The following PRKN variants were observed in gnomAD, a reference collection of about 807,000 sequenced individuals.
PRKN encodes the protein parkin RBR E3 ubiquitin protein ligase, also known as E3 ubiquitin-protein ligase parkin.
In PRKN, 56 loss-of-function variants were observed where a neutral mutation model predicts 59.5. That is an observed-to-expected ratio of 0.94 (90% CI 0.76 to 1.18). The LOEUF (loss-of-function observed/expected upper bound fraction) is 1.18, where lower values mean the gene tolerates loss of function less well. Ranked by LOEUF, PRKN falls within the 50% of genes most tolerant of loss-of-function variation. The probability of loss-of-function intolerance (pLI) is 0.00; values close to 1 mark genes in which losing one functional copy is unlikely to be tolerated. For missense variants in PRKN, 657 were observed against 596.4 expected, an observed-to-expected ratio of 1.10 and a Z score of -1.06; for synonymous variants, 250 against 222.1, an observed-to-expected ratio of 1.13 and a Z score of -1.12.
intron 1 of PRKN, among the ~76,000 whole-genome samples, chr6:162,654,053 A>C (rs1055192695): frequency 6.6e-6 from 1 of 152,162 alleles, no homozygotes; most frequent in African/African-American, 2.4e-5. Flanking sequence ...ACATTATTTG[A>C]GCCTATCAAA....
chr6:162,601,236 C>G lies in PRKN; in HGVS notation c.7+126426G>C, dbSNP rs544010028. On this transcript the variant is annotated intron_variant, in intron 1 of 11. Transcript: ENST00000366898. ...ATCATAGTGGCCCCACCCCGATGACCTTATCTAATCCTAATTACCCTCCCA... is the reference window on the plus strand; with the variant it reads ...ATCATAGTGGCCCCACCCCGATGACGTTATCTAATCCTAATTACCCTCCCA... Among the ~76,000 whole-genome samples, 4 of 152,010 alleles carry G rather than the reference C, an allele frequency of 2.6e-5. No individual in the cohort carries two copies. In the South Asian group the frequency reaches 8.3e-4, roughly 32 times the overall value.
chr6:162,033,457 T>C (rs760552241), intron 5 of PRKN, among the ~76,000 whole-genome samples: 2 of 152,226 alleles, frequency 1.3e-5, no homozygotes, highest in Non-Finnish European at 2.9e-5. Context: ...ATACTTTATA[T>C]ATATGTGCCT....
chr6:162,109,088 T>C (rs1221215525), intron 4 of PRKN, among the ~76,000 whole-genome samples: 1 of 152,118 alleles, frequency 6.6e-6, no homozygotes, highest in African/African-American at 2.4e-5. Flanking sequence ...TAGAAAAGGG[T>C]CACCAAGTTG....
intron 7 of PRKN, among the ~76,000 whole-genome samples, chr6:161,614,784 C>T (rs1260453742): frequency 6.6e-6 from 1 of 152,180 alleles, no homozygotes; most frequent in Non-Finnish European, 1.5e-5. Flanking sequence ...CAAACAAAAT[C>T]TTCGCTTAAT....
rs114198245 is a variant in PRKN at position 161,750,453 on chromosome 6, T to A, written c.871+35319A>T. ...GGCATGTTTTTTTCTTCCTGACAAA[T>A]CCATAAGTGAATAAATATTTTAAGT... On this transcript the variant is annotated intron_variant, in intron 7 of 11. Coordinates refer to ENST00000366898, the MANE Select transcript of PRKN (RefSeq NM_004562.3). 5.8e-3 allele frequency among the ~76,000 whole-genome samples: 880 copies of A among 152,062 alleles called. 12 individuals are homozygous for A. The highest frequency in any genetic ancestry group is 0.02 in the African/African-American group (844 of 41,470).
intron 6 of PRKN, among the ~76,000 whole-genome samples, chr6:161,790,787 T>C (rs1790607250): frequency 6.6e-6 from 1 of 152,172 alleles, no homozygotes. Flanking sequence ...CAGAATGTAC[T>C]AAGAGAGTTT....
chr6:162,414,924 C>A (rs946463233), intron 2 of PRKN, among the ~76,000 whole-genome samples: 4 of 151,890 alleles, frequency 2.6e-5, no homozygotes, highest in Admixed American at 2.6e-4. Context: ...TAACTTGTTC[C>A]CAAACTTATG....
In PRKN at chr6:161,551,523, A is replaced by G. The variant is rs1262909041; in HGVS notation, c.934-2520T>C. Among the ~76,000 whole-genome samples, 1 of 152,192 alleles carries G rather than the reference A, an allele frequency of 6.6e-6. No individual in the cohort carries two copies. The highest frequency in any genetic ancestry group is 1.9e-4 in the East Asian group (1 of 5,190). ...CTGAGGAGGACTCAGGTGTCCCGAA[A>G]GCCAAGGGAACACATCTCAAGGAGG... On this transcript the variant is annotated intron_variant, in intron 8 of 11. Coordinates refer to ENST00000366898, the MANE Select transcript of PRKN (RefSeq NM_004562.3). This position sits in a 1 kb window ranked among gnomAD's most constrained non-coding sequence, Gnocchi z 5.2.
In PRKN at chr6:161,588,181, C is replaced by T. The variant is rs576334506; in HGVS notation, c.872-18765G>A. Among the ~76,000 whole-genome samples, 8 of 151,990 alleles carry T rather than the reference C, an allele frequency of 5.3e-5. No individual in the cohort carries two copies. The highest frequency in any genetic ancestry group is 7.4e-5 in the Non-Finnish European group (5 of 67,964). ...CGGGTGGATCACAAGGTCAGGAGTT[C>T]GAGACCAGCCTGGCTAACATGGCAA... On this transcript the variant is annotated intron_variant, in intron 7 of 11. Transcript: ENST00000366898. This position sits in a 1 kb window ranked among gnomAD's most constrained non-coding sequence, Gnocchi z 5.0.
At chr6:162,322,042 T>A (rs976612439) in intron 2 of PRKN, among the ~76,000 whole-genome samples, 1 of 151,916 alleles carries the variant, frequency 6.6e-6, no homozygotes. Context: ...TAGAAAAAAA[T>A]TAGAAAATTC....
At chr6:162,411,584 T>C (rs765193936) in intron 2 of PRKN, among the ~76,000 whole-genome samples, 3 of 152,204 alleles carry the variant, frequency 2.0e-5, no homozygotes, top group African/African-American at 4.8e-5. Flanking sequence ...AATATCACTG[T>C]CATTTAAATA....
chr6:161,775,289 C>A (rs933519577), intron 7 of PRKN, among the ~76,000 whole-genome samples: 2 of 151,932 alleles, frequency 1.3e-5, no homozygotes, highest in African/African-American at 4.8e-5. Flanking sequence ...GTCACTCAGG[C>A]TGGAGTGAAA....
At chr6:161,559,067 C>A (rs997632805) in intron 8 of PRKN, among the ~76,000 whole-genome samples, 5 of 98,448 alleles carry the variant, frequency 5.1e-5, no homozygotes, top group East Asian at 3.1e-4. Flanking sequence ...AAAAAAAAAA[C>A]CAGTAAACAA....
At chr6:162,703,320 AAAT>A (rs1220851385) in intron 1 of PRKN, among the ~76,000 whole-genome samples, 19 of 152,254 alleles carry the variant, frequency 1.2e-4, no homozygotes, top group Admixed American at 1.1e-3. Flanking sequence ...AATATGTATA[AAAT>A]ATTACCATAC....
chr6:162,530,163 G>C (rs1295559757), intron 1 of PRKN, among the ~76,000 whole-genome samples: 1 of 151,124 alleles, frequency 6.6e-6, no homozygotes, highest in African/African-American at 2.4e-5. Flanking sequence ...AAGTAAAAAA[G>C]TAGAGGCATT....
intron 1 of PRKN, 89 bp from the exon 2 acceptor site, chr6:162,443,562 C>T (rs992410088): frequency 8.6e-7 from 1 of 1,157,414 alleles, no homozygotes. Context: ...ACCGATTTAC[C>T]CCTCGCAGCC....
intron 9 of PRKN, among the ~76,000 whole-genome samples, chr6:161,524,403 T>C (rs1175986822): frequency 6.6e-6 from 1 of 152,156 alleles, no homozygotes; most frequent in Non-Finnish European, 1.5e-5. Flanking sequence ...TGGAGTGCAA[T>C]GGCATGAACA....
chr6:162,221,691 A>G (rs917729078), intron 3 of PRKN, among the ~76,000 whole-genome samples: 9 of 152,202 alleles, frequency 5.9e-5, no homozygotes. Context: ...TGAAAAATGT[A>G]TGAAGCTTAC....
chr6:162,472,145 A>G (rs1307834398), intron 1 of PRKN, among the ~76,000 whole-genome samples: 1 of 152,144 alleles, frequency 6.6e-6, no homozygotes, highest in Admixed American at 6.6e-5. Context: ...ATCTAAATAC[A>G]CCTAAAACTT....
Sources: allele counts gnomAD v4.1 joint callset (sites outside exome capture counted in the v4.1 genomes callset), GRCh38; gene constraint gnomAD v4.1.1; non-coding constraint Gnocchi (gnomAD v3.1); transcripts MANE v1.5; gene names NCBI Gene and HGNC (gene_info 2026-07-23, HGNC 2026-07-21).